The following SPOCK3 variants were observed in gnomAD, a reference collection of about 807,000 sequenced individuals.
The protein encoded by SPOCK3 is testican-3.
In SPOCK3, 30 loss-of-function variants were observed where a neutral mutation model predicts 56.6. That is an observed-to-expected ratio of 0.53 (90% CI 0.40 to 0.72). SPOCK3 has a LOEUF of 0.72. Ranked by LOEUF, SPOCK3 falls within the 30% of genes least tolerant of loss-of-function variation. The pLI is 0.00. For synonymous variants in SPOCK3, 196 were observed against 183.3 expected (o/e 1.07, Z -0.56); for missense variants, 527 against 530.0 (o/e 0.99, Z 0.06).
chr4:166,944,337 A>G (rs1451641351), intron 4 of SPOCK3, among the ~76,000 whole-genome samples: 1 of 152,118 alleles, frequency 6.6e-6, no homozygotes, highest in African/African-American at 2.4e-5. Flanking sequence ...TATCTCCTCC[A>G]TAACAACAAT....
At chr4:167,119,296 C>T (rs761560840) in intron 2 of SPOCK3, among the ~76,000 whole-genome samples, 10 of 152,050 alleles carry the variant, frequency 6.6e-5, no homozygotes, top group Non-Finnish European at 1.2e-4. Context: ...CAATCTCTCA[C>T]ATAGAGGGTG....
rs746070572 is a variant in SPOCK3, at chr4:166,978,495, C to T, written c.350+21854G>A. The stretch of plus-strand genomic sequence containing the variant: ...AAAACACAGATGAATTTATTTTGTG[C>T]TGCTTAGTTTGGTCTGGAGTCCCTT... On this transcript the variant is annotated intron_variant, in intron 4 of 10. Transcript: ENST00000357545. 8.5e-5 allele frequency among the ~76,000 whole-genome samples: 13 copies of T among 152,224 alleles called. No individual in the cohort carries two copies. In the South Asian group the frequency reaches 1.4e-3, roughly 17 times the overall value.
At chr4:167,115,619 A>G (rs1310713703) in intron 2 of SPOCK3, among the ~76,000 whole-genome samples, 1 of 152,128 alleles carries the variant, frequency 6.6e-6, no homozygotes, top group Non-Finnish European at 1.5e-5. Context: ...ACATATAAAA[A>G]CTAACCAGGC....
At chr4:166,944,536 C>A (rs879277963) in intron 4 of SPOCK3, among the ~76,000 whole-genome samples, 3 of 151,926 alleles carry the variant, frequency 2.0e-5, no homozygotes, top group Non-Finnish European at 4.4e-5. Flanking sequence ...CTTCAGTGTT[C>A]TTTTTTTCTT....
At chr4:166,969,958 T>C in intron 4 of SPOCK3, among the ~76,000 whole-genome samples, 1 of 152,200 alleles carries the variant, frequency 6.6e-6, no homozygotes, top group East Asian at 1.9e-4. Context: ...TTTTTCTATG[T>C]CAATATACAC....
At chr4:167,099,535 C>T (rs915011378) in intron 2 of SPOCK3, among the ~76,000 whole-genome samples, 4 of 151,982 alleles carry the variant, frequency 2.6e-5, no homozygotes, top group African/African-American at 9.7e-5. Context: ...ATTTGACACA[C>T]AAATTTCTGT....
chr4:167,088,103 C>T (rs564074609), intron 2 of SPOCK3, among the ~76,000 whole-genome samples: 8 of 151,806 alleles, frequency 5.3e-5, no homozygotes, highest in African/African-American at 1.2e-4. Context: ...TTAATTTTTC[C>T]GCAGGATGAT....
chr4:167,019,938 G>A (rs1434712167), intron 3 of SPOCK3, among the ~76,000 whole-genome samples: 1 of 152,126 alleles, frequency 6.6e-6, no homozygotes, highest in African/African-American at 2.4e-5. Flanking sequence ...GGCACTGGAA[G>A]GTCAGGTACT....
intron 4 of SPOCK3, among the ~76,000 whole-genome samples, chr4:166,924,553 T>C (rs1444749193): frequency 6.6e-6 from 1 of 152,238 alleles, no homozygotes; most frequent in East Asian, 1.9e-4. Flanking sequence ...TGACAGCTTT[T>C]TTCTGACCAA....
chr4:166,876,406 G>C (rs17702109), intron 6 of SPOCK3, among the ~76,000 whole-genome samples: 35 of 152,038 alleles, frequency 2.3e-4, no homozygotes, highest in Non-Finnish European at 4.3e-4. Context: ...CCGTGGAAGA[G>C]AGTTAAGAAA....
At chr4:167,145,966 A>G (rs1458109694) in intron 2 of SPOCK3, among the ~76,000 whole-genome samples, 1 of 152,162 alleles carries the variant, frequency 6.6e-6, no homozygotes. Context: ...AACAATATTA[A>G]CCTTAAATGT....
chr4:167,127,422 G>A lies in SPOCK3; in HGVS notation c.190-64885C>T, dbSNP rs62352455. ...AAAGGTTGTTGGGGAAAAGATTGTT[G>A]GAAATTTTCTTTTTTTTTTTTTGGA... On this transcript the variant is annotated intron_variant, in intron 2 of 10. Transcript: ENST00000357545. Among the ~76,000 whole-genome samples the A allele has an allele frequency of 8.4e-3, 1,277 of 151,474 alleles. 5 individuals carry two copies. The highest frequency in any genetic ancestry group is 0.012 in the Non-Finnish European group (788 of 67,804).
intron 4 of SPOCK3, among the ~76,000 whole-genome samples, chr4:166,994,154 G>T (rs1483608486): frequency 6.6e-6 from 1 of 152,036 alleles, no homozygotes; most frequent in Non-Finnish European, 1.5e-5. Flanking sequence ...ATAAAACACA[G>T]CCAGAACCAA....
At chr4:166,891,655 G>A (rs1734800239) in intron 5 of SPOCK3, among the ~76,000 whole-genome samples, 1 of 151,906 alleles carries the variant, frequency 6.6e-6, no homozygotes, top group Non-Finnish European at 1.5e-5. Context: ...CTATTCGAAG[G>A]TAGACATAAA....
At chr4:166,747,089 A>C (rs112297266) in intron 8 of SPOCK3, among the ~76,000 whole-genome samples, 4 of 151,808 alleles carry the variant, frequency 2.6e-5, no homozygotes, top group African/African-American at 9.7e-5. Flanking sequence ...TTCTGAAACT[A>C]TTCCAATCAA....
chr4:166,944,878 C>A (rs1027789076), intron 4 of SPOCK3, among the ~76,000 whole-genome samples: 3 of 152,054 alleles, frequency 2.0e-5, no homozygotes, highest in African/African-American at 7.2e-5. Flanking sequence ...GTAAATATCC[C>A]ATTTCTCATC....
chr4:166,923,637 C>G (rs1738747726), intron 4 of SPOCK3, among the ~76,000 whole-genome samples: 1 of 152,138 alleles, frequency 6.6e-6, no homozygotes, highest in African/African-American at 2.4e-5. Context: ...ATACATTGCC[C>G]ATTAGCAGCC....
chr4:167,215,351 AAC>A (rs1464768972), intron 2 of SPOCK3, among the ~76,000 whole-genome samples: 3 of 152,068 alleles, frequency 2.0e-5, no homozygotes, highest in African/African-American at 7.2e-5. Context: ...ACTCTTAAGA[AAC>A]ACGGCTCTTT....
At chr4:167,179,216 T>G (rs973059277) in intron 2 of SPOCK3, among the ~76,000 whole-genome samples, 2 of 152,192 alleles carry the variant, frequency 1.3e-5, no homozygotes, top group South Asian at 2.1e-4. Context: ...CAAAACTGCA[T>G]TTTCCTTAGT....
Sources: allele counts gnomAD v4.1 joint callset (sites outside exome capture counted in the v4.1 genomes callset), GRCh38; gene constraint gnomAD v4.1.1; transcripts MANE v1.5; gene names NCBI Gene and HGNC (gene_info 2026-07-23, HGNC 2026-07-21).